Variants in DPP6 observed in about 807,000 individuals in gnomAD.
DPP6 encodes A-type potassium channel modulatory protein DPP6.
Under a neutral mutation model 122.6 loss-of-function variants are expected in DPP6, and 69 were observed. The observed-to-expected ratio is 0.56, with a 90% CI of 0.46 to 0.69. DPP6 has a LOEUF of 0.69. Among genes scored for constraint, DPP6 ranks in the 30% least tolerant of loss-of-function variants. DPP6 has a pLI of 0.00. For synonymous variants in DPP6, 418 were observed against 433.1 expected, an observed-to-expected ratio of 0.97 and a Z score of 0.43; for missense variants, 928 against 1,116.9, an observed-to-expected ratio of 0.83 and a Z score of 2.41.
chr7:153,839,795 G>GC, the DPP6 span, among the ~76,000 whole-genome samples: 4 of 152,232 alleles, frequency 2.6e-5, no homozygotes, highest in African/African-American at 7.2e-5. Flanking sequence ...GCTGGGAACC[G>GC]CCCCCCTGTT....
chr7:154,022,569 C>T (rs1162064939), intron 1 of DPP6, among the ~76,000 whole-genome samples: 1 of 152,170 alleles, frequency 6.6e-6, no homozygotes, highest in African/African-American at 2.4e-5. Context: ...TGTCCCCCTT[C>T]CTGCCATGGA....
At chr7:154,795,792 AAAAAG>A (rs200163118) in intron 11 of DPP6, 48 bp from the exon 12 acceptor site, 114 of 1,376,584 alleles carry the variant, frequency 8.3e-5, no homozygotes, top group Admixed American at 1.2e-4. Flanking sequence ...TGCAAAAAAA[AAAAAG>A]AAAAGAAAAG....
intron 1 of DPP6, chr7:154,092,489 T>C (rs1160841638): frequency 6.7e-6 from 1 of 148,306 alleles, no homozygotes; most frequent in African/African-American, 2.5e-5. Context: ...TTGCCTGTTA[T>C]GGCCTTTACA....
intron 1 of DPP6, among the ~76,000 whole-genome samples, chr7:154,313,685 G>GTATATATATATATATATATATATA (rs1170662489): frequency 4.9e-5 from 1 of 20,466 alleles, no homozygotes; most frequent in African/African-American, 1.3e-4. Flanking sequence ...TTAAGATATG[G>GTATATATATATATATATATATATA]TATATATATA....
At chr7:154,045,201 T>TAAAA (rs11381417) in intron 1 of DPP6, among the ~76,000 whole-genome samples, 2 of 141,410 alleles carry the variant, frequency 1.4e-5, no homozygotes, top group East Asian at 2.0e-4. Context: ...TTAGAAAAGA[T>TAAAA]AAAAAAAAAA....
In DPP6 at chr7:154,129,642, G is replaced by A. The variant is rs182766147; in HGVS notation, c.243+76579G>A. Reference sequence around the variant, plus strand: ...CGGCCGGGCACAGTGGCTTACGCCTGTAATCCCAGCACTTTGGGAGGCTGA... The same window carrying A: ...CGGCCGGGCACAGTGGCTTACGCCTATAATCCCAGCACTTTGGGAGGCTGA... On this transcript the variant is annotated intron_variant, in intron 1 of 25. Coordinates refer to ENST00000377770, the MANE Select transcript of DPP6 (RefSeq NM_130797.4). Among the ~76,000 whole-genome samples, 310 of 152,334 alleles carry A rather than the reference G, an allele frequency of 2.0e-3. 1 individual carries two copies. Among genetic ancestry groups the A allele is most frequent in the African/African-American group, 7.1e-3 (297 of 41,570 alleles).
Position 154,618,342 on chromosome 7 carries a change from T to C in DPP6, c.628-19479T>C, listed in dbSNP as rs2130838854. 6.6e-6 allele frequency among the ~76,000 whole-genome samples: 1 copy of C among 152,294 alleles called. No homozygotes were observed. The highest frequency in any genetic ancestry group is 2.1e-4 in the South Asian group (1 of 4,824). On this transcript the variant is annotated intron_variant, in intron 5 of 25. Transcript: ENST00000377770. The surrounding 1 kb of genome is among the most constrained non-coding windows in gnomAD (Gnocchi z 4.1). ...GGCTCACTGAGCGGGTGAACGGAGC[T>C]GTTTGAACTGAGGTCTCAGGGAGAC...
intron 10 of DPP6, among the ~76,000 whole-genome samples, chr7:154,774,184 G>C (rs1796427465): frequency 6.6e-6 from 1 of 152,150 alleles, no homozygotes; most frequent in Admixed American, 6.5e-5. Context: ...CCAGCAGCTG[G>C]TCCCAGGGAC....
At chr7:154,073,739 T>C (rs1213603812) in intron 1 of DPP6, among the ~76,000 whole-genome samples, 2 of 152,232 alleles carry the variant, frequency 1.3e-5, no homozygotes, top group African/African-American at 2.4e-5. Context: ...GAGAAATTGG[T>C]ATTCCTGTCT....
intron 3 of DPP6, among the ~76,000 whole-genome samples, chr7:154,520,917 G>T (rs1463646713): frequency 6.6e-6 from 1 of 152,168 alleles, no homozygotes; most frequent in Non-Finnish European, 1.5e-5. Flanking sequence ...TAAGTAGCAT[G>T]TACCGGACAA....
chr7:154,800,365 G>A (rs913274341), intron 12 of DPP6, among the ~76,000 whole-genome samples: 1 of 152,182 alleles, frequency 6.6e-6, no homozygotes, highest in Non-Finnish European at 1.5e-5. Context: ...TTTACCATTA[G>A]TTCTCATCCC....
intron 7 of DPP6, among the ~76,000 whole-genome samples, chr7:154,677,643 G>A (rs908094593): frequency 2.0e-5 from 3 of 152,348 alleles, no homozygotes; most frequent in Admixed American, 6.5e-5. Flanking sequence ...ACGTGTGGGC[G>A]TCTGCACGGG....
At chr7:154,869,241 T>C (rs954030896) in intron 18 of DPP6, among the ~76,000 whole-genome samples, 1 of 152,070 alleles carries the variant, frequency 6.6e-6, no homozygotes, top group African/African-American at 2.4e-5. Flanking sequence ...GAGCCTAGGG[T>C]ATTCGCTGGC....
At chr7:154,880,502 A>G (rs1563317809) in intron 20 of DPP6, among the ~76,000 whole-genome samples, 1 of 152,214 alleles carries the variant, frequency 6.6e-6, no homozygotes, top group Non-Finnish European at 1.5e-5. Flanking sequence ...GCCGACCCCT[A>G]AGGCTCATCC....
chr7:154,455,451 A>G (rs1477525803), intron 2 of DPP6, among the ~76,000 whole-genome samples: 1 of 152,164 alleles, frequency 6.6e-6, no homozygotes, highest in Non-Finnish European at 1.5e-5. Flanking sequence ...TTCCTTGAAC[A>G]TGACCAGTGA....
intron 9 of DPP6, among the ~76,000 whole-genome samples, chr7:154,771,226 G>A (rs1297472664): frequency 2.0e-5 from 3 of 152,214 alleles, no homozygotes; most frequent in African/African-American, 7.2e-5. Context: ...GGAAACACCT[G>A]GTGTCTTAGT....
At chr7:153,850,947 G>C in the DPP6 span, among the ~76,000 whole-genome samples, 3 of 152,090 alleles carry the variant, frequency 2.0e-5, no homozygotes, top group Non-Finnish European at 4.4e-5. Flanking sequence ...AAGAATCCTG[G>C]GGCTACCTTC....
chr7:154,020,903 G>A (rs2129051866), intron 1 of DPP6, among the ~76,000 whole-genome samples: 1 of 152,268 alleles, frequency 6.6e-6, no homozygotes. Flanking sequence ...GACCAAATGG[G>A]TAGACATGTG....
chr7:154,773,454 T>C (rs1796374777), intron 10 of DPP6, among the ~76,000 whole-genome samples: 1 of 152,220 alleles, frequency 6.6e-6, no homozygotes, highest in Non-Finnish European at 1.5e-5. Flanking sequence ...TGGTCGCTTT[T>C]TTCTAAATCA....
Sources: gnomAD v4.1 joint callset for allele counts (sites outside exome capture counted in the v4.1 genomes callset) on GRCh38, gnomAD v4.1.1 for gene constraint, Gnocchi (gnomAD v3.1) non-coding constraint, MANE v1.5 for transcripts, NCBI Gene and HGNC (gene_info 2026-07-23, HGNC 2026-07-21) for gene names.